The following STPG2 variants were observed in gnomAD, a reference collection of about 807,000 sequenced individuals.
The protein encoded by STPG2 is sperm tail PG-rich repeat containing 2, also known as sperm-tail PG-rich repeat-containing protein 2.
STPG2 carries 56 observed loss-of-function variants against 54.2 expected under a neutral mutation model. That is an observed-to-expected ratio of 1.03 (90% CI 0.83 to 1.29). The LOEUF (loss-of-function observed/expected upper bound fraction) is 1.29. Among genes scored for constraint, STPG2 ranks in the 50% most tolerant of loss-of-function variants. The probability of loss-of-function intolerance (pLI) is 0.00; values close to 1 mark genes in which losing one functional copy is unlikely to be tolerated. For synonymous variants in STPG2, 200 were observed against 181.8 expected (o/e 1.10, Z -0.81); for missense variants, 596 against 544.9 (o/e 1.09, Z -0.93).
At chr4:97,853,913 C>A (rs1396010829) in intron 8 of STPG2, among the ~76,000 whole-genome samples, 3 of 152,182 alleles carry the variant, frequency 2.0e-5, no homozygotes, top group Non-Finnish European at 2.9e-5. Context: ...TCCTGAGTAG[C>A]TGGAACTACA....
At chr4:97,910,009 T>C (rs1731617889) in intron 8 of STPG2, among the ~76,000 whole-genome samples, 1 of 152,208 alleles carries the variant, frequency 6.6e-6, no homozygotes, top group Non-Finnish European at 1.5e-5. Flanking sequence ...TGACTTTGTA[T>C]GTAAATATTC....
intron 9 of STPG2, among the ~76,000 whole-genome samples, chr4:97,751,644 G>C (rs757951936): frequency 2.0e-5 from 3 of 151,764 alleles, no homozygotes; most frequent in Non-Finnish European, 4.4e-5. Context: ...ACAGTGTGAA[G>C]AGTATTCACT....
intron 9 of STPG2, among the ~76,000 whole-genome samples, chr4:97,828,106 CA>C (rs1327156862): frequency 6.6e-6 from 1 of 152,086 alleles, no homozygotes; most frequent in Non-Finnish European, 1.5e-5. Flanking sequence ...GCAAGATGGC[CA>C]AATAGGAACA....
At chr4:97,915,061 T>C (rs1296894498) in intron 8 of STPG2, among the ~76,000 whole-genome samples, 3 of 152,204 alleles carry the variant, frequency 2.0e-5, no homozygotes, top group Non-Finnish European at 2.9e-5. Flanking sequence ...CATCTAGTGA[T>C]AGATATTTGG....
chr4:97,905,153 G>GT (rs1731354661), intron 8 of STPG2, among the ~76,000 whole-genome samples: 1 of 151,146 alleles, frequency 6.6e-6, no homozygotes, highest in Non-Finnish European at 1.5e-5. Flanking sequence ...ACACATGATT[G>GT]TCAGATTCAC....
At chr4:97,742,025 A>T (rs368125839) in intron 9 of STPG2, among the ~76,000 whole-genome samples, 9 of 151,990 alleles carry the variant, frequency 5.9e-5, no homozygotes, top group Admixed American at 1.3e-4. Flanking sequence ...CATGGAATAC[A>T]ATGCAGCCAT....
intron 5 of STPG2, among the ~76,000 whole-genome samples, chr4:98,094,869 G>A (rs6840669): frequency 2.0e-5 from 3 of 151,898 alleles, no homozygotes; most frequent in Non-Finnish European, 4.4e-5. Context: ...TCCCAAACAC[G>A]AAATTACAGT....
At chr4:97,699,334 G>A (rs1723690847) in intron 10 of STPG2, among the ~76,000 whole-genome samples, 1 of 152,114 alleles carries the variant, frequency 6.6e-6, no homozygotes, top group African/African-American at 2.4e-5. Flanking sequence ...TCCACAGAAT[G>A]GGTCATACTA....
chr4:97,600,226 C>A (rs774178693), intron 10 of STPG2, among the ~76,000 whole-genome samples: 28 of 152,094 alleles, frequency 1.8e-4, no homozygotes, highest in South Asian at 1.0e-3. Flanking sequence ...GTACATGTGC[C>A]CCAACCCTAA....
chr4:97,570,591 T>A (rs142192977), intron 10 of STPG2, among the ~76,000 whole-genome samples: 29 of 151,978 alleles, frequency 1.9e-4, no homozygotes, highest in Non-Finnish European at 4.0e-4. Flanking sequence ...CCACTCCCAC[T>A]GCTACCAGGG....
intron 9 of STPG2, among the ~76,000 whole-genome samples, chr4:97,801,586 C>T (rs1052325873): frequency 2.0e-5 from 3 of 152,166 alleles, no homozygotes; most frequent in African/African-American, 7.2e-5. Flanking sequence ...AATGACATGG[C>T]TGGGTGCTGT....
rs189595891 is a variant in STPG2 at position 97,996,226 on chromosome 4, A to T, written c.613-14908T>A. On this transcript the variant is annotated intron_variant, in intron 5 of 10. Coordinates refer to ENST00000295268, the MANE Select transcript of STPG2 (RefSeq NM_174952.3). ...GCTACAGTAACCAAAACAGCATGGTACTGGTACAGAAGCAGACACATAGAC... is the reference window on the plus strand; with the variant it reads ...GCTACAGTAACCAAAACAGCATGGTTCTGGTACAGAAGCAGACACATAGAC... Among the ~76,000 whole-genome samples the T allele has an allele frequency of 9.1e-3, 1,393 of 152,346 alleles. 13 individuals are homozygous for T. The highest frequency in any genetic ancestry group is 0.015 in the Non-Finnish European group (1,020 of 68,032).
At chr4:97,904,439 CA>C (rs2149190904) in intron 8 of STPG2, among the ~76,000 whole-genome samples, 1 of 152,294 alleles carries the variant, frequency 6.6e-6, no homozygotes, top group East Asian at 1.9e-4. Context: ...ATATCCACAC[CA>C]AAAACCCATC....
rs558029466 is a variant in STPG2, at chr4:97,895,100, A to G, written c.1044+48797T>C. Among the ~76,000 whole-genome samples, 29 of 151,992 alleles carry G rather than the reference A, an allele frequency of 1.9e-4. 1 individual carries two copies. The highest frequency in any genetic ancestry group is 3.4e-3 in the Middle Eastern group (1 of 294). ...TGTGGGCTCAAGGTATAACCCAGAA[A>G]GAAAATTCAATCTAGATATAGGGCC... is the stretch of plus-strand genomic sequence containing the variant. On this transcript the variant is annotated intron_variant, in intron 8 of 10. Transcript: ENST00000295268.
chr4:98,087,793 C>T (rs918515083), intron 5 of STPG2, among the ~76,000 whole-genome samples: 2 of 152,100 alleles, frequency 1.3e-5, no homozygotes. Flanking sequence ...ATCTCCTGAC[C>T]TTGTGATCCG....
chr4:97,500,194 T>C (rs1214937336), intron 4 of STPG2, among the ~76,000 whole-genome samples: 1 of 152,006 alleles, frequency 6.6e-6, no homozygotes, highest in Non-Finnish European at 1.5e-5. Context: ...TGGATGTATT[T>C]GGAAAGTAGA....
chr4:98,031,812 A>G (rs1461529659), intron 5 of STPG2, among the ~76,000 whole-genome samples: 1 of 152,240 alleles, frequency 6.6e-6, no homozygotes, highest in East Asian at 1.9e-4. Flanking sequence ...TTCATACTCT[A>G]TACAATTGAC....
intron 10 of STPG2, among the ~76,000 whole-genome samples, chr4:97,597,180 C>T (rs1352525166): frequency 6.6e-6 from 1 of 152,044 alleles, no homozygotes; most frequent in Non-Finnish European, 1.5e-5. Context: ...AATTCCTGTA[C>T]ACATTCAACC....
intron 9 of STPG2, among the ~76,000 whole-genome samples, chr4:97,741,370 C>A (rs1052696139): frequency 1.3e-5 from 2 of 151,924 alleles, no homozygotes; most frequent in Non-Finnish European, 2.9e-5. Context: ...AATGGGATCT[C>A]ATTAAACTAA....
Sources: gnomAD v4.1 joint callset for allele counts (sites outside exome capture counted in the v4.1 genomes callset) on GRCh38, gnomAD v4.1.1 for gene constraint, MANE v1.5 for transcripts, NCBI Gene and HGNC (gene_info 2026-07-23, HGNC 2026-07-21) for gene names.